The following ZYG11A variants were observed in gnomAD, a reference collection of about 807,000 sequenced individuals.
ZYG11A encodes the protein zyg-11 family member A, cell cycle regulator, also known as protein zyg-11 homolog A.
ZYG11A carries 62 observed loss-of-function variants against 77.2 expected under a neutral mutation model. The ratio of observed to expected loss-of-function variants is 0.80; its 90% CI spans 0.65 to 0.99. ZYG11A has a LOEUF of 0.99. Among genes scored for constraint, ZYG11A ranks in the 50% least tolerant of loss-of-function variants. The pLI, the probability that ZYG11A is intolerant of heterozygous loss-of-function variation, is 0.00. For synonymous variants in ZYG11A, 315 were observed against 324.6 expected, an observed-to-expected ratio of 0.97 and a Z score of 0.32; for missense variants, 828 against 896.8, an observed-to-expected ratio of 0.92 and a Z score of 0.98.
intron 8 of ZYG11A, among the ~76,000 whole-genome samples, chr1:52,868,474 C>T (rs1430908784): frequency 1.3e-5 from 2 of 152,056 alleles, no homozygotes; most frequent in East Asian, 3.9e-4. Flanking sequence ...GTGTTAACAT[C>T]GTTCACTAAA....
In ZYG11A at chr1:52,842,830, C is replaced by T; in HGVS notation, c.-54C>T. On this transcript the variant is annotated 5_prime_UTR_variant, in exon 1 of 14. Transcript: ENST00000371528. ...CCGCCCGCTTGGTTCTCGCGGGATC[C>T]GGGCTCCGGCTCGACGCCGGCTCTC... 1.3e-6 allele frequency: 2 copies of T among 1,498,880 alleles called. No individual in the cohort carries two copies. Among genetic ancestry groups the T allele is most frequent in the South Asian group, 1.2e-5 (1 of 80,364 alleles). The allele number at this position is 1,498,880 out of a possible 1,614,324, so 92.8% of individuals were successfully genotyped here. A position where few individuals can be genotyped will look rare whatever the true frequency, so the allele number is the denominator to read the frequency against.
intron 5 of ZYG11A, among the ~76,000 whole-genome samples, chr1:52,864,581 A>G (rs773848081): frequency 5.9e-5 from 9 of 152,164 alleles, no homozygotes; most frequent in Non-Finnish European, 8.8e-5. Flanking sequence ...CTATTAGAGA[A>G]AGAGAATAGA....
intron 8 of ZYG11A, 142 bp downstream of exon 8, chr1:52,867,919 AT>A: frequency 1.8e-6 from 1 of 558,976 alleles, no homozygotes; most frequent in South Asian, 2.7e-5. Flanking sequence ...AAACTTTCTA[AT>A]TTTGTAGCTA....
intron 1 of ZYG11A, 78 bp from the exon 2 acceptor site, chr1:52,854,387 A>G: frequency 7.8e-7 from 1 of 1,289,774 alleles, no homozygotes; most frequent in Non-Finnish European, 1.0e-6. Flanking sequence ...CAAGTGGAAT[A>G]GGTATGGCAT....
rs1645833153 is a variant in ZYG11A, at chr1:52,857,355, C to G, written c.614C>G (p.Pro205Arg). The change falls in exon 3 of 14, where the codon CCA becomes CGA. Residue 205 changes from proline (P) to arginine (R), a missense_variant. Transcript: ENST00000371528. Reference protein sequence around the residue: ...TEDLANVSQLPRLESLDISNT... With the variant: ...TEDLANVSQLRRLESLDISNT... ...GACCTGGCTAATGTTTCTCAGTTAC[C>G]AAGACTGGAAAGCTTAGATATCTCT... The G allele has an allele frequency of 6.4e-7, 1 of 1,551,680 alleles. No individual in the cohort carries two copies. Among genetic ancestry groups the G allele is most frequent in the South Asian group, 1.2e-5 (1 of 84,042 alleles).
chr1:52,858,336 C>T (rs1645857272), intron 3 of ZYG11A, among the ~76,000 whole-genome samples: 3 of 149,034 alleles, frequency 2.0e-5, no homozygotes, highest in African/African-American at 4.9e-5. Context: ...GTGGAGGTTG[C>T]ACCACTGCAC....
intron 3 of ZYG11A, 119 bp downstream of exon 3, chr1:52,857,868 A>T: frequency 1.3e-6 from 1 of 783,806 alleles, no homozygotes; most frequent in South Asian, 2.8e-5. Flanking sequence ...AAATCCTTAA[A>T]GAGCTTTTTT....
At chr1:52,881,195 T>C (rs1646356197) in intron 10 of ZYG11A, 1 of 217,398 alleles carries the variant, frequency 4.6e-6, no homozygotes. Context: ...AGTAGTATTT[T>C]AAAGATTAAA....
chr1:52,873,692 A>G (rs1013292073), intron 8 of ZYG11A, among the ~76,000 whole-genome samples: 12 of 152,122 alleles, frequency 7.9e-5, no homozygotes, highest in African/African-American at 2.9e-4. Context: ...TCCAAATTTG[A>G]AAGAAGTTCT....
At chr1:52,865,207 C>T (rs955452856) in intron 5 of ZYG11A, among the ~76,000 whole-genome samples, 1 of 152,046 alleles carries the variant, frequency 6.6e-6, no homozygotes, top group South Asian at 2.1e-4. Context: ...TCCCAAAGTG[C>T]TGGGATTACA....
At chr1:52,887,887 T>C (rs1376860186) in intron 13 of ZYG11A, among the ~76,000 whole-genome samples, 1 of 152,114 alleles carries the variant, frequency 6.6e-6, no homozygotes, top group Non-Finnish European at 1.5e-5. Flanking sequence ...TCCGTTGATA[T>C]CCTTTGTTGA....
chr1:52,865,623 A>G (rs1362539526), intron 5 of ZYG11A, among the ~76,000 whole-genome samples: 2 of 152,200 alleles, frequency 1.3e-5, no homozygotes, highest in Non-Finnish European at 2.9e-5. Context: ...GGGAAACACT[A>G]CTTGGCACAC....
Position 52,842,933 on chromosome 1 carries a change from C to G in ZYG11A, c.50C>G (p.Pro17Arg), listed in dbSNP as rs1558153331. 1 of 1,530,174 alleles carries G rather than the reference C, an allele frequency of 6.5e-7. No individual in the cohort carries two copies. Among genetic ancestry groups the G allele is most frequent in the South Asian group, 1.2e-5 (1 of 81,564 alleles). 94.8% of individuals were successfully genotyped at this position (1,530,174 alleles called of 1,614,324 possible). A position where few individuals can be genotyped will look rare whatever the true frequency, so the allele number is the denominator to read the frequency against. Residue 17 changes from proline to arginine, a missense_variant, in exon 1 of 14, where the codon CCT (proline) becomes CGT (arginine). Coordinates refer to ENST00000371528, the MANE Select transcript of ZYG11A (RefSeq NM_001004339.3). Reference protein sequence around the residue: ...PGHTPRNIVPPDAQKDALGCC... With the variant: ...PGHTPRNIVPRDAQKDALGCC... ...CACACGCCCCGGAACATCGTCCCTC[C>G]TGACGCTCAGAAGGATGCCCTGGGC...
In ZYG11A at chr1:52,882,243, G is replaced by A. The variant is rs138087741; in HGVS notation, c.1944+578G>A. 2.5e-3 allele frequency among the ~76,000 whole-genome samples: 384 copies of A among 152,194 alleles called. 1 individual carries two copies. The highest frequency in any genetic ancestry group is 3.9e-3 in the Non-Finnish European group (265 of 68,002). On this transcript the variant is annotated intron_variant, in intron 11 of 13. Transcript: ENST00000371528. ...TTATGCTGCTGTTCTTGACTTTATC[G>A]CTTTAGGAATCTATCAATTCATTTT...
intron 1 of ZYG11A, among the ~76,000 whole-genome samples, chr1:52,846,310 T>C (rs554534): frequency 3.4e-4 from 12 of 35,796 alleles, no homozygotes; most frequent in South Asian, 6.5e-4. Context: ...TTTTAAATTT[T>C]TATATATATA....
rs1325359635 is a variant in ZYG11A at position 52,866,578 on chromosome 1, G to T, written c.1391+11G>T. On this transcript the variant is annotated intron_variant, in intron 6 of 13. Coordinates refer to ENST00000371528, the MANE Select transcript of ZYG11A (RefSeq NM_001004339.3). ...TGTTCCATTTGACAGGCAAGTATAA[G>T]ACTTGGTCATTTGACTGGGGTGTTG... is the stretch of plus-strand genomic sequence containing the variant. 6.6e-7 allele frequency: 1 copy of T among 1,521,674 alleles called. No homozygotes were observed. Among genetic ancestry groups the T allele is most frequent in the African/African-American group, 1.4e-5 (1 of 72,332 alleles). 94.3% of individuals were successfully genotyped at this position (1,521,674 alleles called of 1,614,324 possible). A position where few individuals can be genotyped will look rare whatever the true frequency, so the allele number is the denominator to read the frequency against.
intron 13 of ZYG11A, among the ~76,000 whole-genome samples, chr1:52,891,355 T>A (rs1198017800): frequency 6.6e-6 from 1 of 151,964 alleles, no homozygotes; most frequent in Non-Finnish European, 1.5e-5. Flanking sequence ...ATTATGTGTG[T>A]TATGTTGAGT....
intron 13 of ZYG11A, among the ~76,000 whole-genome samples, chr1:52,888,123 A>C (rs1182600917): frequency 6.6e-6 from 1 of 152,224 alleles, no homozygotes; most frequent in Non-Finnish European, 1.5e-5. Flanking sequence ...AGTATTTTAA[A>C]ATGCCTTTAA....
In ZYG11A at chr1:52,848,090, C is replaced by G. The variant is rs540844955; in HGVS notation, c.90+5117C>G. ...TTCACCATGTTAGCCAGGATGGTCT[C>G]AATCTCCTGACCTCGTGATCCGCCT... On this transcript the variant is annotated intron_variant, in intron 1 of 13. Coordinates refer to ENST00000371528, the MANE Select transcript of ZYG11A (RefSeq NM_001004339.3). 3.9e-5 allele frequency among the ~76,000 whole-genome samples: 6 copies of G among 152,044 alleles called. No homozygotes were observed. In the South Asian group the frequency reaches 1.0e-3, roughly 26 times the overall value.
Sources: gnomAD v4.1 joint callset for allele counts (sites outside exome capture counted in the v4.1 genomes callset) on GRCh38, gnomAD v4.1.1 for gene constraint, MANE v1.5 for transcripts, NCBI Gene and HGNC (gene_info 2026-07-23, HGNC 2026-07-21) for gene names.